Variants in VPS53 observed in about 807,000 individuals in gnomAD.
The protein encoded by VPS53 is VPS53 subunit of GARP complex.
A neutral mutation model predicts 107.0 loss-of-function variants in VPS53; 70 were observed. That is an observed-to-expected ratio of 0.65 (90% CI 0.54 to 0.80). VPS53 has a LOEUF of 0.80. VPS53 is among the 30% of genes least tolerant of loss of function. VPS53 has a pLI of 0.00. For missense variants in VPS53, 917 were observed against 1,049.4 expected (o/e 0.87, Z 1.74); for synonymous variants, 409 against 393.3 (o/e 1.04, Z -0.47).
At position 701,811 on chromosome 17, in the gene VPS53, C is replaced by T. The variant is rs145363621; in HGVS notation, c.169-2431G>A. On this transcript the variant is annotated intron_variant, in intron 2 of 21. Transcript: ENST00000437048. ...GTGCAATCATAGCTCACTGTAACCT[C>T]AAACTCCTGGGCTCAAGCAATCCTC... Among the ~76,000 whole-genome samples, 885 of 152,342 alleles carry T rather than the reference C, an allele frequency of 5.8e-3. 9 individuals are homozygous for T. Among genetic ancestry groups the T allele is most frequent in the African/African-American group, 0.02 (842 of 41,578 alleles).
intron 12 of VPS53, among the ~76,000 whole-genome samples, chr17:596,985 C>CCGCT (rs769153901): frequency 1.3e-5 from 2 of 152,196 alleles, no homozygotes; most frequent in African/African-American, 4.8e-5. Flanking sequence ...TTAAATCGAA[C>CCGCT]CGCTCGGATC....
Position 710,345 on chromosome 17 carries a change from C to T in VPS53, c.168+188G>A, listed in dbSNP as rs62053812. Among the ~76,000 whole-genome samples, 12,910 of 152,116 alleles carry T rather than the reference C, an allele frequency of 0.085. 636 individuals are homozygous for T. Among genetic ancestry groups the T allele is most frequent in the Non-Finnish European group, 0.11 (7,388 of 67,986 alleles). ...AGTACAATTATTAATAATATGTTCA[C>T]TATACAATGAATTCCATTCCAACAC... On this transcript the variant is annotated intron_variant, in intron 2 of 21. Coordinates refer to ENST00000437048, the MANE Select transcript of VPS53 (RefSeq NM_001128159.3).
intron 13 of VPS53, among the ~76,000 whole-genome samples, chr17:566,203 CAAAAA>C (rs1003234136): frequency 7.0e-5 from 4 of 57,304 alleles, no homozygotes; most frequent in Non-Finnish European, 1.2e-4. Context: ...GACTCCGTCT[CAAAAA>C]AAAAAAAAAA....
intron 19 of VPS53, among the ~76,000 whole-genome samples, chr17:528,595 C>CTTT (rs138081726): frequency 1.1e-4 from 11 of 101,276 alleles, no homozygotes; most frequent in Non-Finnish European, 1.5e-4. Flanking sequence ...TTTTTCAATT[C>CTTT]TTTTTTTTTT....
rs746729258 is a variant in VPS53 at position 697,535 on chromosome 17, T to C, written c.219-51A>G. On this transcript the variant is annotated intron_variant, in intron 3 of 21. Coordinates refer to ENST00000437048, the MANE Select transcript of VPS53 (RefSeq NM_001128159.3). ...TCATTCAAATAATCTTTATTCTAGG[T>C]TGACCAAAAGAAAAAAAGTAAAAAG... 8.8e-6 allele frequency: 13 copies of C among 1,470,862 alleles called. No individual in the cohort carries two copies. The African/African-American group carries it at 1.5e-4, about 17-fold the overall frequency. The allele number at this position is 1,470,862 out of a possible 1,614,324, so 91.1% of individuals were successfully genotyped here. A position where few individuals can be genotyped will look rare whatever the true frequency, so the allele number is the denominator to read the frequency against.
intron 11 of VPS53, among the ~76,000 whole-genome samples, chr17:613,236 C>T (rs367911358): frequency 2.0e-5 from 3 of 148,640 alleles, no homozygotes; most frequent in Non-Finnish European, 1.5e-5. Flanking sequence ...TGAAAACCTG[C>T]ACAGATATTC....
rs368513263 is a variant in VPS53 at position 567,067 on chromosome 17, T to C, written c.1314-4322A>G. Among the ~76,000 whole-genome samples, 24 of 152,162 alleles carry C rather than the reference T, an allele frequency of 1.6e-4. No individual in the cohort carries two copies. In the East Asian group the frequency reaches 3.9e-3, roughly 24 times the overall value. ...GCCGACTCTGATGTGCTTCCAGGCG[T>C]GAGCCAACGCGCCAGCCAACTCTGA... On this transcript the variant is annotated intron_variant, in intron 13 of 21. Coordinates refer to ENST00000437048, the MANE Select transcript of VPS53 (RefSeq NM_001128159.3).
At chr17:599,421 G>C (rs1397598034) in intron 12 of VPS53, among the ~76,000 whole-genome samples, 57 of 151,916 alleles carry the variant, frequency 3.8e-4, no homozygotes, top group African/African-American at 1.3e-3. Context: ...AACTTCTTCT[G>C]CCTTGGGATC....
intron 14 of VPS53, 58 bp from the exon 15 acceptor site, chr17:560,631 G>T: frequency 1.3e-6 from 2 of 1,579,092 alleles, no homozygotes; most frequent in Non-Finnish European, 1.7e-6. Flanking sequence ...TTCCTGAACT[G>T]GAAACTACAT....
chr17:662,608 G>C (rs1276752024), intron 4 of VPS53, among the ~76,000 whole-genome samples: 2 of 151,898 alleles, frequency 1.3e-5, no homozygotes, highest in African/African-American at 4.8e-5. Context: ...AGAATTGCTT[G>C]AACCCGGGAG....
chr17:516,925 T>C lies in VPS53; in HGVS notation c.*2203A>G, dbSNP rs3744730. ...CGTCCGGAAAACGACTCCTCAACAATGAACCAAAAAGAGAAGTGGTGATCT... is the reference window on the plus strand; with the variant it reads ...CGTCCGGAAAACGACTCCTCAACAACGAACCAAAAAGAGAAGTGGTGATCT... On this transcript the variant is annotated 3_prime_UTR_variant, in exon 22 of 22. Transcript: ENST00000437048. 26,451 of 152,612 alleles carry C rather than the reference T, an allele frequency of 0.17. 4,855 individuals carry two copies. The highest frequency in any genetic ancestry group is 0.45 in the African/African-American group (18,561 of 41,514). The allele number at this position is 152,612 out of a possible 1,614,324, so 9.5% of individuals were successfully genotyped here. A position where few individuals can be genotyped will look rare whatever the true frequency, so the allele number is the denominator to read the frequency against.
chr17:609,224 G>C (rs1175775490), intron 11 of VPS53, among the ~76,000 whole-genome samples: 2 of 152,014 alleles, frequency 1.3e-5, no homozygotes, highest in South Asian at 4.1e-4. Flanking sequence ...CCTCTTTTGG[G>C]TATTTCCTAT....
Position 586,263 on chromosome 17 carries a change from C to T in VPS53, c.1313+7G>A, listed in dbSNP as rs1967311180. On this transcript the variant is annotated splice_region_variant and intron_variant, in intron 13 of 21. Coordinates refer to ENST00000437048, the MANE Select transcript of VPS53 (RefSeq NM_001128159.3). ...CAGGCAGAAAACAGCGAATGTTCCTCACTCACTTGTCTTGGGATTCGATAT... is the reference window on the plus strand; with the variant it reads ...CAGGCAGAAAACAGCGAATGTTCCTTACTCACTTGTCTTGGGATTCGATAT... The T allele has an allele frequency of 1.2e-6, 2 of 1,613,390 alleles. No homozygotes were observed.
At chr17:596,550 T>C (rs776775381) in intron 12 of VPS53, among the ~76,000 whole-genome samples, 4 of 152,154 alleles carry the variant, frequency 2.6e-5, no homozygotes, top group Non-Finnish European at 4.4e-5. Flanking sequence ...CCCTTGACCC[T>C]GCCACCACAG....
chr17:711,237 G>A (rs1364691198), intron 1 of VPS53, among the ~76,000 whole-genome samples: 4 of 152,154 alleles, frequency 2.6e-5, no homozygotes, highest in Admixed American at 2.6e-4. Context: ...AAGACATACA[G>A]CTAACTCCCT....
intron 12 of VPS53, among the ~76,000 whole-genome samples, chr17:596,347 C>T (rs141800436): frequency 9.2e-5 from 14 of 152,298 alleles, no homozygotes; most frequent in African/African-American, 1.2e-4. Context: ...ATAATTCCAA[C>T]GAACTCATCT....
intron 11 of VPS53, among the ~76,000 whole-genome samples, chr17:602,410 G>A (rs894180521): frequency 1.4e-4 from 21 of 152,302 alleles, no homozygotes; most frequent in South Asian, 6.2e-4. Context: ...GGATTTCAAC[G>A]CAAGAACAAA....
intron 2 of VPS53, among the ~76,000 whole-genome samples, chr17:704,897 C>G (rs2143974936): frequency 6.6e-6 from 1 of 152,270 alleles, no homozygotes; most frequent in East Asian, 1.9e-4. Flanking sequence ...TAGCTATTCC[C>G]AAATGTCTAT....
intron 2 of VPS53, among the ~76,000 whole-genome samples, chr17:701,403 G>A (rs1416758135): frequency 6.6e-6 from 1 of 151,860 alleles, no homozygotes; most frequent in African/African-American, 2.4e-5. Context: ...GTGTGTGATG[G>A]AGACTAGCTC....
Sources: gnomAD v4.1 joint callset for allele counts (sites outside exome capture counted in the v4.1 genomes callset) on GRCh38, gnomAD v4.1.1 for gene constraint, MANE v1.5 for transcripts, NCBI Gene and HGNC (gene_info 2026-07-23, HGNC 2026-07-21) for gene names.